Variants in PRKN observed in about 807,000 individuals in gnomAD.
The protein encoded by PRKN is E3 ubiquitin-protein ligase parkin.
In PRKN, 56 loss-of-function variants were observed where a neutral mutation model predicts 59.5. The ratio of observed to expected loss-of-function variants is 0.94; its 90% CI spans 0.76 to 1.18. PRKN has a LOEUF of 1.18. Among genes scored for constraint, PRKN ranks in the 50% most tolerant of loss-of-function variants. The pLI is 0.00. For missense variants in PRKN, 657 were observed against 596.4 expected, an observed-to-expected ratio of 1.10 and a Z score of -1.06; for synonymous variants, 250 against 222.1, an observed-to-expected ratio of 1.13 and a Z score of -1.12.
chr6:162,653,276 T>C (rs143180671), intron 1 of PRKN, among the ~76,000 whole-genome samples: 5 of 152,316 alleles, frequency 3.3e-5, no homozygotes, highest in Non-Finnish European at 7.3e-5. Flanking sequence ...AGCAAATATG[T>C]CAAGACATGA....
At chr6:162,588,349 A>G (rs1781153013) in intron 1 of PRKN, among the ~76,000 whole-genome samples, 1 of 151,842 alleles carries the variant, frequency 6.6e-6, no homozygotes. Flanking sequence ...GCCAAATTTC[A>G]GTAAGAAATA....
At chr6:162,026,668 T>A (rs910786209) in intron 5 of PRKN, among the ~76,000 whole-genome samples, 3 of 152,304 alleles carry the variant, frequency 2.0e-5, no homozygotes, top group African/African-American at 7.2e-5. Flanking sequence ...GCTTTGCTTT[T>A]TTTTCCCCCC....
At chr6:161,589,362 T>C (rs1781633009) in intron 7 of PRKN, among the ~76,000 whole-genome samples, 1 of 152,170 alleles carries the variant, frequency 6.6e-6, no homozygotes, top group South Asian at 2.1e-4. Context: ...ATTTAGTCGG[T>C]GAAAAATAAG....
intron 1 of PRKN, chr6:162,727,384 G>C (rs1013608415): frequency 1.7e-5 from 8 of 469,856 alleles, no homozygotes; most frequent in Admixed American, 8.4e-5. Context: ...AACGAGGAGC[G>C]GGGGTGCGGG....
intron 8 of PRKN, 56 bp downstream of exon 8, chr6:161,569,299 T>A: frequency 6.6e-7 from 1 of 1,520,108 alleles, no homozygotes; most frequent in Non-Finnish European, 9.1e-7. Context: ...CCAAACTGTC[T>A]CATTAGCGTC....
chr6:162,469,141 C>T (rs1192276316), intron 1 of PRKN, among the ~76,000 whole-genome samples: 1 of 151,908 alleles, frequency 6.6e-6, no homozygotes, highest in Non-Finnish European at 1.5e-5. Flanking sequence ...CTAGTTTCAC[C>T]TTCTGGTGTA....
chr6:162,444,946 T>C (rs1425355213), intron 1 of PRKN, among the ~76,000 whole-genome samples: 1 of 152,188 alleles, frequency 6.6e-6, no homozygotes, highest in Non-Finnish European at 1.5e-5. Flanking sequence ...TCTTGTAACA[T>C]TTAAAAATAA....
intron 4 of PRKN, among the ~76,000 whole-genome samples, chr6:162,110,820 T>C (rs1583046943): frequency 1.3e-5 from 2 of 152,274 alleles, no homozygotes; most frequent in Middle Eastern, 3.4e-3. Flanking sequence ...GGATGTAATG[T>C]AAAGTACACA....
intron 2 of PRKN, among the ~76,000 whole-genome samples, chr6:162,378,719 G>T (rs1786264002): frequency 6.6e-6 from 1 of 152,216 alleles, no homozygotes; most frequent in Non-Finnish European, 1.5e-5. Context: ...AACAGAACAT[G>T]CTGAGTGAAA....
At chr6:162,416,884 G>T (rs6910346) in intron 2 of PRKN, among the ~76,000 whole-genome samples, 83,349 of 151,778 alleles carry the variant, frequency 0.55, 23,820 homozygotes, top group African/African-American at 0.71. Flanking sequence ...ATCAATTAAA[G>T]AAATTTTTTA....
At chr6:161,908,276 G>A (rs976327551) in intron 6 of PRKN, among the ~76,000 whole-genome samples, 1 of 152,166 alleles carries the variant, frequency 6.6e-6, no homozygotes. Context: ...GATACCTAGA[G>A]AGGTCCTAGT....
chr6:161,682,221 A>G (rs1451412348), intron 7 of PRKN, among the ~76,000 whole-genome samples: 1 of 152,200 alleles, frequency 6.6e-6, no homozygotes, highest in African/African-American at 2.4e-5. Context: ...ACCACTTGGG[A>G]ACACACAGGT....
intron 1 of PRKN, among the ~76,000 whole-genome samples, chr6:162,584,004 G>A (rs1780895732): frequency 6.6e-6 from 1 of 151,968 alleles, no homozygotes; most frequent in South Asian, 2.1e-4. Context: ...ACAAGGTCAG[G>A]AGATCAAGAC....
In PRKN at chr6:161,502,945, G is replaced by C. The variant is rs1778016402; in HGVS notation, c.1083+45909C>G. 2.0e-5 allele frequency among the ~76,000 whole-genome samples: 3 copies of C among 152,180 alleles called. No individual in the cohort carries two copies. The highest frequency in any genetic ancestry group is 6.5e-5 in the Admixed American group (1 of 15,270). On this transcript the variant is annotated intron_variant, in intron 9 of 11. Coordinates refer to ENST00000366898, the MANE Select transcript of PRKN (RefSeq NM_004562.3). The surrounding 1 kb of genome is among the most constrained non-coding windows in gnomAD (Gnocchi z 4.0). Reference sequence around the variant, plus strand: ...TTTCTTCATTTTAATTGTAGGAGGAGAACAGCACTTACTTCATGCATTTGT... The same window carrying C: ...TTTCTTCATTTTAATTGTAGGAGGACAACAGCACTTACTTCATGCATTTGT...
At chr6:162,058,790 T>C (rs1363977060) in intron 4 of PRKN, among the ~76,000 whole-genome samples, 4 of 150,588 alleles carry the variant, frequency 2.7e-5, no homozygotes, top group Admixed American at 6.6e-5. Flanking sequence ...TTGTCTTTAA[T>C]AAAACACAAA....
intron 4 of PRKN, among the ~76,000 whole-genome samples, chr6:162,192,708 T>C (rs1784335817): frequency 6.6e-6 from 1 of 152,094 alleles, no homozygotes; most frequent in South Asian, 2.1e-4. Context: ...CCATGTACTT[T>C]GGAAGTAATG....
chr6:162,325,330 G>A (rs1004538498), intron 2 of PRKN, among the ~76,000 whole-genome samples: 4 of 152,054 alleles, frequency 2.6e-5, no homozygotes, highest in Non-Finnish European at 4.4e-5. Flanking sequence ...GACTATCCTC[G>A]TTTCCTCTGC....
intron 9 of PRKN, among the ~76,000 whole-genome samples, chr6:161,504,728 T>A (rs1392942543): frequency 7.1e-6 from 1 of 140,444 alleles, no homozygotes; most frequent in East Asian, 2.2e-4. Flanking sequence ...CCTGTGTCCA[T>A]GTGTTCCCAT....
intron 6 of PRKN, among the ~76,000 whole-genome samples, chr6:161,817,162 G>A (rs1004183217): frequency 6.6e-6 from 1 of 152,108 alleles, no homozygotes; most frequent in African/African-American, 2.4e-5. Context: ...AAAAACTCCT[G>A]GAGCCCCCAT....
Sources: allele counts gnomAD v4.1 joint callset (sites outside exome capture counted in the v4.1 genomes callset), GRCh38; gene constraint gnomAD v4.1.1; non-coding constraint Gnocchi (gnomAD v3.1); transcripts MANE v1.5; gene names NCBI Gene and HGNC (gene_info 2026-07-23, HGNC 2026-07-21).